SCPPPQ1: variants seen among roughly 807,000 people sequenced by gnomAD.
SCPPPQ1 encodes secretory calcium-binding phosphoprotein proline- and glutamine-rich 1.
At chr4:87,465,544 A>G in the SCPPPQ1 span, among the ~76,000 whole-genome samples, 1 of 146,794 alleles carries the variant, frequency 6.8e-6, no homozygotes, top group Admixed American at 6.8e-5. Flanking sequence ...GAAAAGGAAA[A>G]GGAATAGAAA....
chr4:87,461,307 C>G, the SCPPPQ1 span, among the ~76,000 whole-genome samples: 1 of 152,172 alleles, frequency 6.6e-6, no homozygotes, highest in South Asian at 2.1e-4. Context: ...GACTGGGTTG[C>G]AAAGCTATTC....
the SCPPPQ1 span, among the ~76,000 whole-genome samples, chr4:87,467,057 A>G: frequency 2.0e-4 from 30 of 152,244 alleles, no homozygotes; most frequent in Admixed American, 5.2e-4. Flanking sequence ...CCTCTGCCTG[A>G]AATGTTTCAT....
At chr4:87,462,627 A>G in the SCPPPQ1 span, among the ~76,000 whole-genome samples, 1 of 152,156 alleles carries the variant, frequency 6.6e-6, no homozygotes, top group Non-Finnish European at 1.5e-5. Flanking sequence ...TTGCCTTGAG[A>G]TCAGTCCATT....
At chr4:87,464,664 C>T in the SCPPPQ1 span, among the ~76,000 whole-genome samples, 3 of 152,000 alleles carry the variant, frequency 2.0e-5, no homozygotes, top group African/African-American at 7.3e-5. Context: ...ATGGTGAAAC[C>T]CCATCTCTAC....
chr4:87,469,146 A>G, the SCPPPQ1 span, among the ~76,000 whole-genome samples: 1 of 152,204 alleles, frequency 6.6e-6, no homozygotes, highest in Non-Finnish European at 1.5e-5. Context: ...CCTTTTAAGA[A>G]AACATGAGAT....
the SCPPPQ1 span, among the ~76,000 whole-genome samples, chr4:87,470,241 C>G: frequency 6.6e-6 from 1 of 152,160 alleles, no homozygotes; most frequent in East Asian, 1.9e-4. Flanking sequence ...GCTGGGATTA[C>G]AGGTGTGAGC....
chr4:87,465,109 G>C, the SCPPPQ1 span, among the ~76,000 whole-genome samples: 3 of 152,270 alleles, frequency 2.0e-5, no homozygotes, highest in Admixed American at 6.5e-5. Flanking sequence ...TTTTAGAGGT[G>C]AAATGGACTT....
chr4:87,467,351 C>A, the SCPPPQ1 span, among the ~76,000 whole-genome samples: 1,286 of 152,128 alleles, frequency 8.5e-3, 9 homozygotes, highest in Non-Finnish European at 0.013. Flanking sequence ...TTTTAAGAAT[C>A]CAGATATTAG....
At chr4:87,469,916 G>C in the SCPPPQ1 span, among the ~76,000 whole-genome samples, 8 of 148,868 alleles carry the variant, frequency 5.4e-5, no homozygotes, top group Admixed American at 1.3e-4. Flanking sequence ...TTTGGTCCCT[G>C]AAGTTGCGTT....
chr4:87,466,492 A>G, the SCPPPQ1 span, among the ~76,000 whole-genome samples: 1 of 152,218 alleles, frequency 6.6e-6, no homozygotes, highest in East Asian at 1.9e-4. Context: ...AATATTTAGA[A>G]TTTAACAGCT....
chr4:87,466,743 C>G, the SCPPPQ1 span, among the ~76,000 whole-genome samples: 4 of 152,066 alleles, frequency 2.6e-5, no homozygotes, highest in African/African-American at 7.2e-5. Flanking sequence ...TGTTTGTGAG[C>G]TGGGCATGGT....
chr4:87,463,759 C>T, the SCPPPQ1 span, among the ~76,000 whole-genome samples: 1 of 152,278 alleles, frequency 6.6e-6, no homozygotes, highest in Admixed American at 6.5e-5. Flanking sequence ...CAAGTCCCAT[C>T]TTTCATAAAT....
the SCPPPQ1 span, among the ~76,000 whole-genome samples, chr4:87,466,283 T>C: frequency 6.6e-6 from 1 of 151,904 alleles, no homozygotes; most frequent in African/African-American, 2.4e-5. Flanking sequence ...GGCAGGAGAA[T>C]TGCTTGAACC....
At chr4:87,463,804 A>G in the SCPPPQ1 span, among the ~76,000 whole-genome samples, 5 of 152,188 alleles carry the variant, frequency 3.3e-5, no homozygotes, top group Non-Finnish European at 7.3e-5. Context: ...TACTTGAACT[A>G]AAATTTTAGG....
chr4:87,466,392 A>G, the SCPPPQ1 span, among the ~76,000 whole-genome samples: 1 of 152,144 alleles, frequency 6.6e-6, no homozygotes, highest in Non-Finnish European at 1.5e-5. Context: ...CGAAAACAAA[A>G]AAAACAAATT....
chr4:87,470,922 G>T, the SCPPPQ1 span, among the ~76,000 whole-genome samples: 1 of 151,972 alleles, frequency 6.6e-6, no homozygotes, highest in East Asian at 1.9e-4. Flanking sequence ...GGACCTGTTA[G>T]AAATCATTAA....
chr4:87,469,352 A>G, the SCPPPQ1 span, among the ~76,000 whole-genome samples: 1 of 152,174 alleles, frequency 6.6e-6, no homozygotes. Flanking sequence ...GACTCATTTT[A>G]TAGACAAGGA....
At chr4:87,463,676 A>G in the SCPPPQ1 span, among the ~76,000 whole-genome samples, 8 of 152,176 alleles carry the variant, frequency 5.3e-5, no homozygotes, top group Non-Finnish European at 2.9e-5. Flanking sequence ...CAGCTTTGTA[A>G]TGATATTTAC....
the SCPPPQ1 span, among the ~76,000 whole-genome samples, chr4:87,470,552 C>T: frequency 5.9e-5 from 9 of 151,780 alleles, no homozygotes; most frequent in African/African-American, 1.9e-4. Context: ...AATCAACTGG[C>T]CTTTTATTGG....
Sources: gnomAD v4.1 joint callset for allele counts (sites outside exome capture counted in the v4.1 genomes callset) on GRCh38, gnomAD v4.1.1 for gene constraint, MANE v1.5 for transcripts, NCBI Gene and HGNC (gene_info 2026-07-23, HGNC 2026-07-21) for gene names.